Variants in FMO1 observed in about 807,000 individuals in gnomAD.
FMO1 encodes the protein flavin containing dimethylaniline monoxygenase 1, also known as flavin-containing monooxygenase 1.
Under a neutral mutation model 45.4 loss-of-function variants are expected in FMO1, and 36 were observed. That is an observed-to-expected ratio of 0.79 (90% CI 0.61 to 1.05). The LOEUF is 1.05. FMO1 is among the 50% of genes least tolerant of loss of function. FMO1 has a pLI of 0.00. For synonymous variants in FMO1, 228 were observed against 227.2 expected (o/e 1.00, Z -0.03); for missense variants, 615 against 640.3 (o/e 0.96, Z 0.43).
At position 171,268,049 on chromosome 1, in the gene FMO1, C is replaced by A. The variant is rs576999634; in HGVS notation, c.321+318C>A. Among the ~76,000 whole-genome samples the A allele has an allele frequency of 1.4e-4, 21 of 152,306 alleles. 1 individual carries two copies. In the East Asian group the frequency reaches 4.1e-3, roughly 29 times the overall value. On this transcript the variant is annotated intron_variant, in intron 3 of 8. Coordinates refer to ENST00000617670, the MANE Select transcript of FMO1 (RefSeq NM_001282693.2). ...TGCCTGCCCACATGGACACTGAGAACCACCAACCCCCTTCCCCAGTCTCCT... is the reference window on the plus strand; with the variant it reads ...TGCCTGCCCACATGGACACTGAGAAACACCAACCCCCTTCCCCAGTCTCCT...
chr1:171,277,372 C>T (rs1661151939), intron 4 of FMO1, among the ~76,000 whole-genome samples: 1 of 152,098 alleles, frequency 6.6e-6, no homozygotes, highest in Admixed American at 6.6e-5. Flanking sequence ...TATGATTTCC[C>T]AAGATGACTA....
In FMO1 at chr1:171,271,694, T is replaced by C. The variant is rs551546131; in HGVS notation, c.322-3652T>C. Reference sequence around the variant, plus strand: ...GAGCTCAATGTACTGCCTCTTCTTATGTTCTAGCAATGAGACTGGAGATTT... The same window carrying C: ...GAGCTCAATGTACTGCCTCTTCTTACGTTCTAGCAATGAGACTGGAGATTT... On this transcript the variant is annotated intron_variant, in intron 3 of 8. Coordinates refer to ENST00000617670, the MANE Select transcript of FMO1 (RefSeq NM_001282693.2). 4 of 615,630 alleles carry C rather than the reference T, an allele frequency of 6.5e-6. No individual in the cohort carries two copies. The East Asian group carries it at 1.1e-4, about 16-fold the overall frequency. The allele number at this position is 615,630 out of a possible 1,614,324, so 38.1% of individuals were successfully genotyped here. A position where few individuals can be genotyped will look rare whatever the true frequency, so the allele number is the denominator to read the frequency against.
At chr1:171,262,929 G>C (rs1660436778) in intron 2 of FMO1, among the ~76,000 whole-genome samples, 1 of 152,168 alleles carries the variant, frequency 6.6e-6, no homozygotes, top group African/African-American at 2.4e-5. Context: ...ATGGGTGCCA[G>C]CTGTTTTAAG....
rs767561051 is a variant in FMO1 at position 171,267,737 on chromosome 1, A to G, written c.321+6A>G. On this transcript the variant is annotated splice_donor_region_variant and intron_variant, in intron 3 of 8. Transcript: ENST00000617670. ...TGAAACACATTCAATTCAAGGTAAG[A>G]CACAAAACATCAGTTAGTAGTCAGA... The G allele has an allele frequency of 6.2e-7, 1 of 1,600,332 alleles. No homozygotes were observed. Among genetic ancestry groups the G allele is most frequent in the East Asian group, 2.2e-5 (1 of 44,822 alleles).
intron 2 of FMO1, among the ~76,000 whole-genome samples, chr1:171,258,751 A>G (rs916133699): frequency 2.6e-5 from 4 of 152,196 alleles, no homozygotes; most frequent in Non-Finnish European, 5.9e-5. Flanking sequence ...AGAAGTAAAG[A>G]ATGTGAGTTT....
At chr1:171,266,515 G>T (rs1413368147) in intron 2 of FMO1, among the ~76,000 whole-genome samples, 1 of 152,166 alleles carries the variant, frequency 6.6e-6, no homozygotes, top group Non-Finnish European at 1.5e-5. Context: ...ACTCTTATCA[G>T]TCAATGAGAT....
chr1:171,283,957 G>A (rs1167714818), intron 8 of FMO1, among the ~76,000 whole-genome samples: 1 of 152,092 alleles, frequency 6.6e-6, no homozygotes, highest in Admixed American at 6.5e-5. Flanking sequence ...TATGGGAAAG[G>A]TTTTCACTTA....
chr1:171,269,441 G>C (rs1310217535), intron 3 of FMO1, among the ~76,000 whole-genome samples: 1 of 151,848 alleles, frequency 6.6e-6, no homozygotes, highest in Non-Finnish European at 1.5e-5. Flanking sequence ...ACTCTTGTTT[G>C]GTTTTTTGTT....
chr1:171,249,525 T>C (rs905163271), intron 1 of FMO1, among the ~76,000 whole-genome samples: 5 of 152,162 alleles, frequency 3.3e-5, no homozygotes, highest in Admixed American at 6.5e-5. Flanking sequence ...GCTCCTTTGT[T>C]CCCAGGGGCT....
chr1:171,256,500 G>T (rs1159308442), intron 1 of FMO1, among the ~76,000 whole-genome samples: 1 of 151,916 alleles, frequency 6.6e-6, no homozygotes, highest in African/African-American at 2.4e-5. Context: ...ATTATACAAG[G>T]TTTTTGATTT....
chr1:171,282,453 G>A, intron 7 of FMO1, 120 bp downstream of exon 7: 2 of 669,970 alleles, frequency 3.0e-6, no homozygotes, highest in South Asian at 4.3e-5. Flanking sequence ...TTTAAAAGCA[G>A]GATGCATTCT....
At chr1:171,278,075 AG>A (rs1365218677) in intron 4 of FMO1, among the ~76,000 whole-genome samples, 1 of 152,194 alleles carries the variant, frequency 6.6e-6, no homozygotes, top group Non-Finnish European at 1.5e-5. Context: ...TCACTGCCTA[AG>A]GTATCCTATC....
intron 4 of FMO1, 52 bp downstream of exon 4, chr1:171,275,560 A>T (rs1661074943): frequency 7.5e-7 from 1 of 1,342,266 alleles, no homozygotes; most frequent in South Asian, 1.3e-5. Context: ...AGCCATTCTG[A>T]TGCTTGATTG....
chr1:171,282,006 G>C lies in FMO1; in HGVS notation c.856G>C (p.Asp286His). The stretch of plus-strand genomic sequence containing the variant: ...TCAGCTGAAAGAGTTTGTGCTAAAT[G>C]ATGAGCTCCCAGGACGCATCATCAC... ...RTQLKEFVLN[D>H]ELPGRIITGK... The change falls in exon 7 of 9, where the codon GAT becomes CAT. Residue 286 changes from aspartate (D) to histidine (H), a missense_variant. Asp to His is a moderately conservative substitution (Grantham distance 81, BLOSUM62 -1). Coordinates refer to ENST00000617670, the MANE Select transcript of FMO1 (RefSeq NM_001282693.2). 1.2e-6 allele frequency: 2 copies of C among 1,610,502 alleles called. No individual in the cohort carries two copies. The highest frequency in any genetic ancestry group is 1.7e-6 in the Non-Finnish European group (2 of 1,178,576).
At chr1:171,260,019 A>G (rs1660312471) in intron 2 of FMO1, among the ~76,000 whole-genome samples, 1 of 152,248 alleles carries the variant, frequency 6.6e-6, no homozygotes, top group South Asian at 2.1e-4. Flanking sequence ...CTGAAGAGGT[A>G]GTGTGTGATG....
intron 2 of FMO1, among the ~76,000 whole-genome samples, chr1:171,264,335 T>A (rs28360373): frequency 1.5e-4 from 22 of 147,870 alleles, no homozygotes; most frequent in Non-Finnish European, 3.0e-4. Flanking sequence ...TATATATATA[T>A]ACACACACAC....
At chr1:171,280,201 T>C (rs1210865389) in intron 5 of FMO1, among the ~76,000 whole-genome samples, 1 of 152,230 alleles carries the variant, frequency 6.6e-6, no homozygotes, top group African/African-American at 2.4e-5. Context: ...TCAGCTGTTT[T>C]GTATCAGCAA....
intron 1 of FMO1, chr1:171,251,468 G>C (rs963728225): frequency 6.6e-6 from 1 of 151,450 alleles, no homozygotes; most frequent in African/African-American, 2.4e-5. Context: ...AGGCGCTGCC[G>C]CAGTAATGAC....
chr1:171,278,641 C>A, intron 4 of FMO1, 88 bp from the exon 5 acceptor site: 1 of 1,039,616 alleles, frequency 9.6e-7, no homozygotes, highest in Non-Finnish European at 1.4e-6. Context: ...AATCATCTGT[C>A]AAAAGAATGT....
Sources: gnomAD v4.1 joint callset for allele counts (sites outside exome capture counted in the v4.1 genomes callset) on GRCh38, gnomAD v4.1.1 for gene constraint, MANE v1.5 for transcripts, NCBI Gene and HGNC (gene_info 2026-07-23, HGNC 2026-07-21) for gene names.